Variants in GREB1L observed in about 807,000 individuals in gnomAD.
GREB1L encodes GREB1 like retinoic acid receptor coactivator.
In GREB1L, 17 loss-of-function variants were observed where a neutral mutation model predicts 200.8. The ratio of observed to expected loss-of-function variants is 0.08; its 90% CI spans 0.06 to 0.13. GREB1L has a LOEUF of 0.13. GREB1L is among the 10% of genes least tolerant of loss of function. GREB1L has a pLI of 1.00. For synonymous variants in GREB1L, 789 were observed against 893.0 expected (o/e 0.88, Z 2.08); for missense variants, 1,657 against 2,367.7 (o/e 0.70, Z 6.23).
chr18:21,473,515 G>A (rs1322522052), intron 16 of GREB1L, among the ~76,000 whole-genome samples: 5 of 147,284 alleles, frequency 3.4e-5, no homozygotes, highest in Non-Finnish European at 5.9e-5. Context: ...GTTCCAGTGA[G>A]CCAAGATCAC....
intron 13 of GREB1L, among the ~76,000 whole-genome samples, chr18:21,451,774 G>A (rs1373222663): frequency 2.0e-5 from 3 of 151,830 alleles, no homozygotes; most frequent in South Asian, 2.1e-4. Context: ...GGGATTACAG[G>A]CATGAACCAC....
chr18:21,261,285 A>T (rs1049252464), intron 1 of GREB1L, among the ~76,000 whole-genome samples: 1 of 152,074 alleles, frequency 6.6e-6, no homozygotes, highest in Non-Finnish European at 1.5e-5. Context: ...AACTTCCAGG[A>T]GCAATTCTTG....
Position 21,439,550 on chromosome 18 carries a change from G to A in GREB1L, c.862G>A (p.Gly288Arg). 1 of 1,550,706 alleles carries A rather than the reference G, an allele frequency of 6.4e-7. No homozygotes were observed. Among genetic ancestry groups the A allele is most frequent in the African/African-American group, 1.4e-5 (1 of 73,132 alleles). Residue 288 changes from glycine (G) to arginine (R), a missense_variant, in exon 8 of 33, where the codon GGG becomes AGG. Around this residue, in one of 9 missense-constraint regions of GREB1L, gnomAD observed 289 missense variants for 345.1 expected, o/e 0.84. Coordinates refer to ENST00000424526, the MANE Select transcript of GREB1L (RefSeq NM_001142966.3). Reference sequence around the variant, plus strand: ...TGCTAATGGAAACAGTAGCCATGGAGGGAAGGGCAGTGCATCCAGCTCCAC... The same window carrying A: ...TGCTAATGGAAACAGTAGCCATGGAAGGAAGGGCAGTGCATCCAGCTCCAC... ...DAANGNSSHGGKGSASSSTPA... is the reference protein window; with the variant it reads ...DAANGNSSHGRKGSASSSTPA...
At chr18:21,244,185 TCTC>T (rs1174834368) in intron 1 of GREB1L, among the ~76,000 whole-genome samples, 3 of 151,758 alleles carry the variant, frequency 2.0e-5, no homozygotes, top group South Asian at 2.1e-4. Flanking sequence ...TAAACTAATA[TCTC>T]CTCCTGCACA....
intron 2 of GREB1L, among the ~76,000 whole-genome samples, chr18:21,379,447 C>CT (rs1377018424): frequency 1.3e-5 from 2 of 152,186 alleles, no homozygotes; most frequent in African/African-American, 4.8e-5. Context: ...CTCAGGTGAT[C>CT]TGCCCGCCTT....
chr18:21,291,198 A>G (rs2038444861), intron 1 of GREB1L, among the ~76,000 whole-genome samples: 1 of 152,088 alleles, frequency 6.6e-6, no homozygotes, highest in Non-Finnish European at 1.5e-5. Flanking sequence ...GACCTGACCC[A>G]TTGTTCCTGA....
intron 1 of GREB1L, among the ~76,000 whole-genome samples, chr18:21,328,812 A>G (rs1180201345): frequency 4.6e-5 from 7 of 152,176 alleles, no homozygotes; most frequent in Non-Finnish European, 1.0e-4. Context: ...GTAATCAGTT[A>G]TTATGTACTG....
rs1174272720 is a variant in GREB1L at position 21,518,043 on chromosome 18, A to C, written c.5281A>C (p.Ser1761Arg). 1 of 1,551,130 alleles carries C rather than the reference A, an allele frequency of 6.4e-7. No homozygotes were observed. The highest frequency in any genetic ancestry group is 1.4e-5 in the African/African-American group (1 of 73,004). ...IIKPKIMVSE[S>R]LAPILPLQYI... is the part of the protein sequence containing the mutation. ...TCGCCTCTGATTTCAGGTGTCAGAG[A>C]GCTTAGCACCCATCTTGCCCCTTCA... Residue 1761 changes from serine (S) to arginine (R), a missense_variant, in exon 31 of 33, where the codon AGC becomes CGC. Transcript: ENST00000424526.
At chr18:21,253,179 T>C (rs1294737638) in intron 1 of GREB1L, among the ~76,000 whole-genome samples, 1 of 152,150 alleles carries the variant, frequency 6.6e-6, no homozygotes, top group Non-Finnish European at 1.5e-5. Flanking sequence ...TTTTCTGGTT[T>C]ACCATATTGT....
intron 7 of GREB1L, among the ~76,000 whole-genome samples, chr18:21,413,712 G>A (rs2031331455): frequency 6.6e-6 from 1 of 152,128 alleles, no homozygotes; most frequent in Non-Finnish European, 1.5e-5. Flanking sequence ...GAGAGAGAAG[G>A]AAAACAATGA....
chr18:21,496,853 T>C (rs1489666227), intron 21 of GREB1L, among the ~76,000 whole-genome samples, 155 bp downstream of exon 21: 1 of 152,182 alleles, frequency 6.6e-6, no homozygotes, highest in Non-Finnish European at 1.5e-5. Context: ...AGGTGGGAGA[T>C]GCTTGGAAAA....
Position 21,344,403 on chromosome 18 carries a change from AAACAACAAC to A in GREB1L, c.-119-21599_-119-21591del, listed in dbSNP as rs146104394. On this transcript the variant is annotated intron_variant, in intron 1 of 32. Coordinates refer to ENST00000424526, the MANE Select transcript of GREB1L (RefSeq NM_001142966.3). ...GCGACAGAGCAAAACTCTGTCTCAA[AAACAACAAC>A]AACAACAACAACAACAACAACAACT... 1.4e-3 allele frequency among the ~76,000 whole-genome samples: 204 copies of A among 150,342 alleles called. 1 individual carries two copies. Among genetic ancestry groups the A allele is most frequent in the East Asian group, 7.9e-4 (4 of 5,074 alleles).
intron 17 of GREB1L, among the ~76,000 whole-genome samples, chr18:21,480,225 C>A (rs1037739801): frequency 6.6e-6 from 1 of 152,000 alleles, no homozygotes; most frequent in African/African-American, 2.4e-5. Flanking sequence ...GTGGCAGGCA[C>A]CTGTAATCCC....
At chr18:21,502,097 C>T (rs1000039777) in intron 23 of GREB1L, among the ~76,000 whole-genome samples, 10 of 152,088 alleles carry the variant, frequency 6.6e-5, no homozygotes, top group Non-Finnish European at 1.5e-4. Flanking sequence ...ACTAAAAATA[C>T]AAAAATTAGC....
chr18:21,315,350 C>G (rs1293587137), intron 1 of GREB1L, among the ~76,000 whole-genome samples: 1 of 152,160 alleles, frequency 6.6e-6, no homozygotes, highest in East Asian at 1.9e-4. Context: ...CTCAGCCTCT[C>G]AAAGTGCTGG....
At chr18:21,477,043 T>C in intron 16 of GREB1L, 121 bp from the exon 17 acceptor site, 3 of 634,860 alleles carry the variant, frequency 4.7e-6, no homozygotes, top group East Asian at 3.0e-5. Flanking sequence ...TTGTTTCTTC[T>C]CTGCTCCCAA....
At chr18:21,245,665 T>C (rs1431554813) in intron 1 of GREB1L, among the ~76,000 whole-genome samples, 5 of 152,190 alleles carry the variant, frequency 3.3e-5, no homozygotes, top group Non-Finnish European at 7.3e-5. Context: ...TGTTTTTGAT[T>C]TTGCAGCATA....
intron 19 of GREB1L, among the ~76,000 whole-genome samples, chr18:21,494,499 G>A (rs1246107340): frequency 6.6e-6 from 1 of 151,758 alleles, no homozygotes; most frequent in Non-Finnish European, 1.5e-5. Flanking sequence ...CCTATTTTGT[G>A]CTTAGCAAAG....
intron 6 of GREB1L, 33 bp downstream of exon 6, chr18:21,401,359 A>G: frequency 2.0e-6 from 3 of 1,520,716 alleles, no homozygotes; most frequent in Non-Finnish European, 2.7e-6. Flanking sequence ...AGGGGAGGGA[A>G]TGGAGATTTT....
Sources: allele counts gnomAD v4.1 joint callset (sites outside exome capture counted in the v4.1 genomes callset), GRCh38; gene constraint gnomAD v4.1.1; regional missense constraint gnomAD v4.1.1; transcripts MANE v1.5; gene names NCBI Gene and HGNC (gene_info 2026-07-23, HGNC 2026-07-21).